Variants in HOMER2 observed in about 807,000 individuals in gnomAD.
The protein encoded by HOMER2 is homer scaffold protein 2, also known as homer protein homolog 2.
A neutral mutation model predicts 47.0 loss-of-function variants in HOMER2; 27 were observed. The ratio of observed to expected loss-of-function variants is 0.57; its 90% confidence interval spans 0.42 to 0.79. HOMER2 has a LOEUF of 0.79. Among genes scored for constraint, HOMER2 ranks in the 30% least tolerant of loss-of-function variants. The pLI, the probability that HOMER2 is intolerant of heterozygous loss-of-function variation, is 0.00. For synonymous variants in HOMER2, 161 were observed against 163.8 expected, an observed-to-expected ratio of 0.98 and a Z score of 0.13; for missense variants, 443 against 435.0, an observed-to-expected ratio of 1.02 and a Z score of -0.16.
At chr15:82,978,731 T>A (rs12902742) in intron 1 of HOMER2, among the ~76,000 whole-genome samples, 10,977 of 152,164 alleles carry the variant, frequency 0.072, 570 homozygotes, top group Middle Eastern at 0.19. Flanking sequence ...GACAGTTTTT[T>A]ATTTTTTTGA....
At chr15:82,895,777 T>C (rs74030832) in intron 1 of HOMER2, among the ~76,000 whole-genome samples, 253 of 152,242 alleles carry the variant, frequency 1.7e-3, no homozygotes, top group African/African-American at 5.9e-3. Context: ...TAGACGGGTG[T>C]TCCCTAAATC....
intron 1 of HOMER2, among the ~76,000 whole-genome samples, chr15:82,907,303 G>A (rs188036940): frequency 6.6e-6 from 1 of 152,050 alleles, no homozygotes; most frequent in East Asian, 1.9e-4. Context: ...GTTGTAGCAA[G>A]CCAAGACTGT....
intron 1 of HOMER2, among the ~76,000 whole-genome samples, chr15:82,943,636 C>G (rs2054310859): frequency 1.3e-5 from 2 of 152,256 alleles, no homozygotes; most frequent in African/African-American, 4.8e-5. Flanking sequence ...GGATCCATTG[C>G]CCAGGCAGTG....
In HOMER2 at chr15:82,852,155, C is replaced by G; in HGVS notation, c.749G>C (p.Arg250Pro). The G allele has an allele frequency of 6.2e-7, 1 of 1,612,904 alleles. No homozygotes were observed. Among genetic ancestry groups the G allele is most frequent in the Admixed American group, 1.7e-5 (1 of 60,024 alleles). The change falls in exon 7 of 9, where the codon CGA (arginine) becomes CCA (proline). Residue 250 changes from arginine (R) to proline (P), a missense_variant. Transcript: ENST00000450735. ...RRIEELEAEL[R>P]EKETELKDLR... ...ACCATTACTCACTGTCTCCTTTTCTCGGAGCTCTGCCTCCAGCTCCTCGAT... is the reference window on the plus strand; with the variant it reads ...ACCATTACTCACTGTCTCCTTTTCTGGGAGCTCTGCCTCCAGCTCCTCGAT...
intron 6 of HOMER2, among the ~76,000 whole-genome samples, chr15:82,853,777 A>G (rs910470616): frequency 2.6e-5 from 4 of 152,138 alleles, no homozygotes; most frequent in Non-Finnish European, 5.9e-5. Flanking sequence ...TTTTCAAACA[A>G]ATCAAAATGC....
At chr15:82,869,782 A>C (rs145971251) in intron 3 of HOMER2, among the ~76,000 whole-genome samples, 116 of 152,238 alleles carry the variant, frequency 7.6e-4, no homozygotes, top group South Asian at 6.6e-3. Flanking sequence ...TGATCGCTAC[A>C]TATTACCCTG....
chr15:82,889,090 C>A (rs1013150372), intron 2 of HOMER2, among the ~76,000 whole-genome samples: 18 of 152,172 alleles, frequency 1.2e-4, no homozygotes, highest in Non-Finnish European at 2.9e-5. Flanking sequence ...CAGAGAGAGG[C>A]AGGACTCAGG....
intron 1 of HOMER2, among the ~76,000 whole-genome samples, chr15:82,893,961 A>AT (rs1486816886): frequency 2.0e-5 from 3 of 152,160 alleles, no homozygotes; most frequent in East Asian, 3.8e-4. Flanking sequence ...TGATAGAATT[A>AT]TTTTTTATCT....
intron 5 of HOMER2, 97 bp from the exon 6 acceptor site, chr15:82,854,897 C>T (rs2051521536): frequency 7.2e-7 from 1 of 1,394,590 alleles, no homozygotes; most frequent in Admixed American, 1.9e-5. Flanking sequence ...TCAGCACACC[C>T]CTGGGGGGCC....
At chr15:82,932,957 G>A (rs1157360475) in intron 1 of HOMER2, among the ~76,000 whole-genome samples, 1 of 151,990 alleles carries the variant, frequency 6.6e-6, no homozygotes, top group African/African-American at 2.4e-5. Flanking sequence ...TCCACATAGA[G>A]CAAGCTCCCC....
intron 2 of HOMER2, among the ~76,000 whole-genome samples, chr15:82,889,321 C>T (rs890432964): frequency 6.6e-6 from 1 of 152,234 alleles, no homozygotes; most frequent in Non-Finnish European, 1.5e-5. Flanking sequence ...AGTGGTCTGC[C>T]TGAGGCTCCA....
downstream of HOMER2, chr15:82,846,760 A>G (rs1247322173): frequency 6.6e-6 from 1 of 152,142 alleles, no homozygotes; most frequent in Non-Finnish European, 1.5e-5. Context: ...TTGTGTGGAT[A>G]CTGGTTCTCT....
intron 1 of HOMER2, among the ~76,000 whole-genome samples, chr15:82,976,408 C>G (rs1439903645): frequency 2.0e-5 from 3 of 152,046 alleles, no homozygotes; most frequent in Non-Finnish European, 2.9e-5. Context: ...AGCGATGCTC[C>G]TGCCTTAGCC....
At chr15:82,912,680 C>T (rs1055065276) in intron 1 of HOMER2, among the ~76,000 whole-genome samples, 1 of 152,186 alleles carries the variant, frequency 6.6e-6, no homozygotes, top group Non-Finnish European at 1.5e-5. Flanking sequence ...GCTTCCAAAA[C>T]AGCTGCTCCA....
chr15:82,925,522 C>T (rs2053833241), intron 1 of HOMER2, among the ~76,000 whole-genome samples: 1 of 152,192 alleles, frequency 6.6e-6, no homozygotes, highest in African/African-American at 2.4e-5. Flanking sequence ...AGTTAGTTTG[C>T]ACTACCTTGG....
At chr15:82,859,721 G>A (rs991220921) in intron 4 of HOMER2, among the ~76,000 whole-genome samples, 11 of 152,260 alleles carry the variant, frequency 7.2e-5, no homozygotes, top group African/African-American at 2.4e-4. Flanking sequence ...AGTGTTTTCC[G>A]TAAGTCATAC....
Position 82,875,376 on chromosome 15 carries a change from T to C in HOMER2, c.191A>G (p.Asn64Ser), listed in dbSNP as rs773418627. ...KVIINSTITP[N>S]MTFTKTSQKF... ...CTGTGACGTTTTGGTGAAGGTCATATTCGGTGTGATTGTGCTGTTTATGAT... is the reference window on the plus strand; with the variant it reads ...CTGTGACGTTTTGGTGAAGGTCATACTCGGTGTGATTGTGCTGTTTATGAT... The change falls in exon 3 of 9, where the codon AAT (asparagine) becomes AGT (serine). Residue 64 changes from asparagine (N) to serine (S), a missense_variant. Transcript: ENST00000450735. The C allele has an allele frequency of 6.2e-7, 1 of 1,613,986 alleles. No individual in the cohort carries two copies. Among genetic ancestry groups the C allele is most frequent in the Non-Finnish European group, 8.5e-7 (1 of 1,179,884 alleles).
upstream of HOMER2, among the ~76,000 whole-genome samples, chr15:82,954,574 C>T (rs935986910): frequency 2.6e-5 from 4 of 151,856 alleles, no homozygotes; most frequent in Admixed American, 6.6e-5. Context: ...CAGGCATGAG[C>T]CACCGTGCCT....
At chr15:82,921,995 A>G (rs2053740640) in intron 1 of HOMER2, among the ~76,000 whole-genome samples, 1 of 152,212 alleles carries the variant, frequency 6.6e-6, no homozygotes, top group South Asian at 2.1e-4. Context: ...TGAATCCTCC[A>G]TCTTGAACAT....
Sources: allele counts gnomAD v4.1 joint callset (sites outside exome capture counted in the v4.1 genomes callset), GRCh38; gene constraint gnomAD v4.1.1; transcripts MANE v1.5; gene names NCBI Gene and HGNC (gene_info 2026-07-23, HGNC 2026-07-21).